Variants in SP140L observed in about 807,000 individuals in gnomAD.
The protein encoded by SP140L is nuclear body protein SP140-like protein.
SP140L carries 64 observed loss-of-function variants against 84.3 expected under a neutral mutation model. The observed-to-expected ratio is 0.76, with a 90% CI of 0.62 to 0.94. The LOEUF (loss-of-function observed/expected upper bound fraction) is 0.94, where lower values mean the gene tolerates loss of function less well. Ranked by LOEUF, SP140L falls within the 40% of genes least tolerant of loss-of-function variation. The probability of loss-of-function intolerance (pLI) is 0.00; values close to 1 mark genes in which losing one functional copy is unlikely to be tolerated. For synonymous variants in SP140L, 242 were observed against 236.9 expected (o/e 1.02, Z -0.20); for missense variants, 628 against 692.5 (o/e 0.91, Z 1.05).
chr2:230,385,012 T>G (rs2061527034), intron 8 of SP140L, among the ~76,000 whole-genome samples: 1 of 152,230 alleles, frequency 6.6e-6, no homozygotes, highest in Non-Finnish European at 1.5e-5. Flanking sequence ...AGTCTGTGTG[T>G]ATTATCCTAA....
At chr2:230,331,326 T>A (rs1208701297) in intron 2 of SP140L, among the ~76,000 whole-genome samples, 3 of 152,210 alleles carry the variant, frequency 2.0e-5, no homozygotes, top group Admixed American at 1.3e-4. Flanking sequence ...ACATAGTATA[T>A]ACAGAGTTTG....
intron 2 of SP140L, among the ~76,000 whole-genome samples, chr2:230,355,694 A>C (rs1459281736): frequency 6.6e-6 from 1 of 152,214 alleles, no homozygotes; most frequent in East Asian, 1.9e-4. Flanking sequence ...ATGGTATGGC[A>C]TAGAAAGTAC....
chr2:230,385,153 G>A, intron 8 of SP140L, 71 bp from the exon 9 acceptor site: 7 of 1,492,512 alleles, frequency 4.7e-6, no homozygotes, highest in Non-Finnish European at 5.5e-6. Context: ...TCCCTCACTT[G>A]CGTTTGGTCC....
At chr2:230,368,833 C>A (rs969833991) in intron 5 of SP140L, among the ~76,000 whole-genome samples, 1 of 152,120 alleles carries the variant, frequency 6.6e-6, no homozygotes, top group Non-Finnish European at 1.5e-5. Context: ...TTAAATTTCT[C>A]ATTTTGGTCA....
intron 2 of SP140L, among the ~76,000 whole-genome samples, chr2:230,334,817 T>G (rs971077678): frequency 6.6e-6 from 1 of 152,090 alleles, no homozygotes; most frequent in Non-Finnish European, 1.5e-5. Context: ...AATGTCTGTG[T>G]GTAGGTGTGG....
intron 14 of SP140L, 93 bp from the exon 15 acceptor site, chr2:230,400,034 C>T (rs1263325349): frequency 4.5e-6 from 6 of 1,321,382 alleles, no homozygotes; most frequent in Non-Finnish European, 6.5e-6. Flanking sequence ...TCTATACAGG[C>T]TCACACATAA....
At chr2:230,394,482 C>T (rs1043120411) in intron 13 of SP140L, among the ~76,000 whole-genome samples, 9 of 152,232 alleles carry the variant, frequency 5.9e-5, no homozygotes, top group African/African-American at 1.7e-4. Flanking sequence ...GATTTGAATT[C>T]TCAGCCACTG....
intron 18 of SP140L, among the ~76,000 whole-genome samples, chr2:230,402,420 CG>C (rs1461629856): frequency 6.6e-6 from 1 of 152,150 alleles, no homozygotes; most frequent in Non-Finnish European, 1.5e-5. Flanking sequence ...TGGTGAGAAA[CG>C]GAAGTTACTC....
rs570301393 is a variant in SP140L, at chr2:230,366,494, C to T, written c.524-4414C>T. 7.4e-4 allele frequency among the ~76,000 whole-genome samples: 112 copies of T among 151,786 alleles called. 2 individuals carry two copies. The highest frequency in any genetic ancestry group is 2.4e-3 in the African/African-American group (98 of 41,476). On this transcript the variant is annotated intron_variant, in intron 5 of 18. Coordinates refer to ENST00000415673, the MANE Select transcript of SP140L (RefSeq NM_138402.6). The stretch of plus-strand genomic sequence containing the variant: ...ATATTCACTTCTATCTTGTCATTTT[C>T]AGTCTATATGTATCCTTAAAAGTGA...
At chr2:230,353,280 A>G (rs1019135323) in intron 2 of SP140L, among the ~76,000 whole-genome samples, 1 of 152,024 alleles carries the variant, frequency 6.6e-6, no homozygotes, top group Admixed American at 6.6e-5. Flanking sequence ...TTCCTTATGC[A>G]ATATGTTTCA....
intron 5 of SP140L, among the ~76,000 whole-genome samples, chr2:230,362,943 T>C (rs2149743652): frequency 6.6e-6 from 1 of 150,852 alleles, no homozygotes; most frequent in South Asian, 2.1e-4. Flanking sequence ...AGACACAGAA[T>C]CCTCATAGAA....
At chr2:230,352,312 G>A (rs190674951) in intron 2 of SP140L, among the ~76,000 whole-genome samples, 66 of 152,222 alleles carry the variant, frequency 4.3e-4, no homozygotes, top group African/African-American at 1.5e-3. Context: ...AAAAAGAAAA[G>A]AAGTTTAATT....
chr2:230,348,597 T>C (rs1443350095), intron 2 of SP140L, among the ~76,000 whole-genome samples: 1 of 152,254 alleles, frequency 6.6e-6, no homozygotes, highest in Non-Finnish European at 1.5e-5. Flanking sequence ...GTCAGAATTC[T>C]TTACATACCT....
chr2:230,399,327 GA>G (rs1302875841), intron 14 of SP140L, among the ~76,000 whole-genome samples: 1 of 152,200 alleles, frequency 6.6e-6, no homozygotes, highest in Non-Finnish European at 1.5e-5. Context: ...AGACTTGTGA[GA>G]AATGGAGAAT....
chr2:230,397,171 T>A (rs1257555045), intron 14 of SP140L, among the ~76,000 whole-genome samples: 2 of 152,136 alleles, frequency 1.3e-5, no homozygotes, highest in African/African-American at 2.4e-5. Context: ...GATAACAGCA[T>A]TCTCAAGTAA....
At chr2:230,401,953 C>T (rs1202214733) in intron 18 of SP140L, 146 bp downstream of exon 18, 2 of 969,882 alleles carry the variant, frequency 2.1e-6, no homozygotes, top group Admixed American at 2.7e-5. Flanking sequence ...CAGTTCAGAA[C>T]TTAAGCTCTT....
At chr2:230,333,457 C>A (rs1295799909) in intron 2 of SP140L, among the ~76,000 whole-genome samples, 1 of 152,136 alleles carries the variant, frequency 6.6e-6, no homozygotes, top group African/African-American at 2.4e-5. Context: ...CGCGCCCGAC[C>A]CCCATTCTGA....
intron 2 of SP140L, among the ~76,000 whole-genome samples, chr2:230,354,894 A>AAAGAAAGAAAGAAAGAAAGAAAGG (rs1221299840): frequency 6.7e-6 from 1 of 148,562 alleles, no homozygotes; most frequent in Non-Finnish European, 1.5e-5. Flanking sequence ...AGAAAGAAAG[A>AAAGAAAGAAAGAAAGAAAGAAAGG]AAGGAAAGAG....
At chr2:230,342,264 T>G (rs143596804) in intron 2 of SP140L, 22,506 of 153,706 alleles carry the variant, frequency 0.15, 1,837 homozygotes, top group African/African-American at 0.21. Flanking sequence ...TCCAGGTGCC[T>G]TCCGTCACCC....
Sources: allele counts gnomAD v4.1 joint callset (sites outside exome capture counted in the v4.1 genomes callset), GRCh38; gene constraint gnomAD v4.1.1; transcripts MANE v1.5; gene names NCBI Gene and HGNC (gene_info 2026-07-23, HGNC 2026-07-21).